The following ABHD3 variants were observed in gnomAD, a reference collection of about 807,000 sequenced individuals.
The protein encoded by ABHD3 is abhydrolase domain containing 3, phospholipase.
Under a neutral mutation model 48.8 loss-of-function variants are expected in ABHD3, and 46 were observed. That is an observed-to-expected ratio of 0.94 (90% confidence interval 0.74 to 1.20). The LOEUF is 1.20. ABHD3 is among the 50% of genes most tolerant of loss of function. The probability of loss-of-function intolerance (pLI) is 0.00; values close to 1 mark genes in which losing one functional copy is unlikely to be tolerated. For synonymous variants in ABHD3, 192 were observed against 183.7 expected, an observed-to-expected ratio of 1.04 and a Z score of -0.36; for missense variants, 490 against 497.8, an observed-to-expected ratio of 0.98 and a Z score of 0.15.
Position 21,656,929 on chromosome 18 carries a change from C to A in ABHD3, c.989G>T (p.Arg330Ile). 6.2e-7 allele frequency: 1 copy of A among 1,613,970 alleles called. No individual in the cohort carries two copies. Among genetic ancestry groups the A allele is most frequent in the South Asian group, 1.1e-5 (1 of 91,056 alleles). Residue 330 changes from arginine (R) to isoleucine (I), a missense_variant, in exon 8 of 9, where the codon AGA (arginine) becomes ATA (isoleucine). Coordinates refer to ENST00000289119, the MANE Select transcript of ABHD3 (RefSeq NM_138340.5). The stretch of plus-strand genomic sequence containing the variant: ...TACTGGAATTCCTACTGACTTCAGT[C>A]TAGGACTCGGACTGGCATCAGTATA... ...DYYTDASPSPRLKSVGIPVLC... is the reference protein window; with the variant it reads ...DYYTDASPSPILKSVGIPVLC...
chr18:21,704,437 TCGCGCCGCGCCTGCTACCC>T, intron 1 of ABHD3, 48 bp downstream of exon 1: 1 of 1,258,716 alleles, frequency 7.9e-7, no homozygotes, highest in Non-Finnish European at 1.0e-6. Context: ...CCGCGCAGCC[TCGCGCCGCGCCTGCTACCC>T]TAGCTCCTGG....
At chr18:21,694,936 G>T (rs1203045153) in intron 3 of ABHD3, among the ~76,000 whole-genome samples, 1 of 152,148 alleles carries the variant, frequency 6.6e-6, no homozygotes, top group Admixed American at 6.6e-5. Context: ...TCAGCGGCAC[G>T]AGCTGCTAGT....
At chr18:21,653,780 T>G (rs2146275742) in intron 8 of ABHD3, among the ~76,000 whole-genome samples, 1 of 148,788 alleles carries the variant, frequency 6.7e-6, no homozygotes, top group African/African-American at 2.5e-5. Context: ...CATGCACTTG[T>G]AGTCCTAGCT....
intron 6 of ABHD3, 35 bp from the exon 7 acceptor site, chr18:21,657,187 A>G (rs1027751570): frequency 5.7e-6 from 9 of 1,573,852 alleles, no homozygotes; most frequent in Non-Finnish European, 7.8e-6. Context: ...AAAAATCAAG[A>G]TCATTCCTAC....
intron 3 of ABHD3, among the ~76,000 whole-genome samples, chr18:21,684,184 A>T (rs564294943): frequency 6.6e-6 from 1 of 152,300 alleles, no homozygotes; most frequent in South Asian, 2.1e-4. Flanking sequence ...AAAACTGTAT[A>T]CTGAAGTGAT....
In ABHD3 at chr18:21,651,508, T is replaced by C. The variant is rs1197063208; in HGVS notation, c.*83A>G. The C allele has an allele frequency of 2.6e-6, 4 of 1,541,478 alleles. No individual in the cohort carries two copies. The highest frequency in any genetic ancestry group is 1.7e-4 in the Middle Eastern group (1 of 5,888). The stretch of plus-strand genomic sequence containing the variant: ...CCCATCTGCTGGCTTATTTGCTTTA[T>C]ATACAACAGTTAAAATTTGTGCACT... On this transcript the variant is annotated 3_prime_UTR_variant, in exon 9 of 9. Transcript: ENST00000289119.
intron 5 of ABHD3, 101 bp from the exon 6 acceptor site, chr18:21,659,444 A>G (rs769128650): frequency 1.2e-4 from 141 of 1,176,830 alleles, no homozygotes; most frequent in Non-Finnish European, 1.6e-4. Context: ...GAGAAGAAAA[A>G]TATAAACTAG....
rs2040532292 is a variant in ABHD3 at position 21,702,389 on chromosome 18, G to C, written c.436C>G (p.Pro146Ala). The change falls in exon 3 of 9, where the codon CCT becomes GCT. Residue 146 changes from proline (P) to alanine (A), a missense_variant. Pro to Ala is a conservative substitution (Grantham distance 27). Coordinates refer to ENST00000289119, the MANE Select transcript of ABHD3 (RefSeq NM_138340.5). ...TCCTTGCTTGTTCCCGTGAGGCCAG[G>C]CAACAATAAGATAGTAGGTCTGGTG... ...ASTRPTILLLPGLTGTSKESY... is the reference protein window; with the variant it reads ...ASTRPTILLLAGLTGTSKESY... 6.2e-7 allele frequency: 1 copy of C among 1,613,828 alleles called. No homozygotes were observed. The highest frequency in any genetic ancestry group is 1.3e-5 in the African/African-American group (1 of 74,924).
chr18:21,664,307 G>T, intron 4 of ABHD3, 77 bp from the exon 5 acceptor site: 1 of 1,351,772 alleles, frequency 7.4e-7, no homozygotes. Context: ...ATGTAAACAG[G>T]AGCAAGGAGT....
At chr18:21,657,759 TA>T (rs1316968178) in intron 6 of ABHD3, among the ~76,000 whole-genome samples, 1 of 152,072 alleles carries the variant, frequency 6.6e-6, no homozygotes, top group African/African-American at 2.4e-5. Flanking sequence ...TCAATTCACT[TA>T]AAAGTACGTA....
intron 8 of ABHD3, among the ~76,000 whole-genome samples, chr18:21,656,182 T>G (rs916328421): frequency 6.6e-6 from 1 of 151,270 alleles, no homozygotes; most frequent in South Asian, 2.1e-4. Flanking sequence ...AATAATTTTC[T>G]TTTTTTTTAA....
chr18:21,704,668 C>A lies in ABHD3; in HGVS notation c.-3G>T. 1 of 1,479,788 alleles carries A rather than the reference C, an allele frequency of 6.8e-7. No homozygotes were observed. 91.7% of individuals were successfully genotyped at this position (1,479,788 alleles called of 1,614,324 possible). On this transcript the variant is annotated 5_prime_UTR_variant, in exon 1 of 9. Transcript: ENST00000289119. ...AGGTCCATGGCCAGGCGCTGCATGG[C>A]CCCCGAGCGCGGCGCGCGGGTCCTG... is the stretch of plus-strand genomic sequence containing the variant.
chr18:21,658,392 T>A (rs1323702104), intron 6 of ABHD3, among the ~76,000 whole-genome samples: 1 of 152,122 alleles, frequency 6.6e-6, no homozygotes, highest in Non-Finnish European at 1.5e-5. Flanking sequence ...TATTCAGCAA[T>A]GAAAGTACTT....
chr18:21,682,802 GGGCCAGGGCCAC>G (rs1240081779), intron 4 of ABHD3: 1 of 152,148 alleles, frequency 6.6e-6, no homozygotes, highest in Non-Finnish European at 1.5e-5. Flanking sequence ...TGATTTGCCT[GGGCCAGGGCCAC>G]AGTGACACAT....
At chr18:21,699,641 C>A (rs975667182) in intron 3 of ABHD3, among the ~76,000 whole-genome samples, 1 of 152,174 alleles carries the variant, frequency 6.6e-6, no homozygotes, top group African/African-American at 2.4e-5. Flanking sequence ...GAGTTCTCAG[C>A]CTGGGCCTCA....
chr18:21,667,666 T>C (rs539287388), intron 4 of ABHD3, among the ~76,000 whole-genome samples: 1 of 152,246 alleles, frequency 6.6e-6, no homozygotes, highest in South Asian at 2.1e-4. Flanking sequence ...CCTGACAATA[T>C]TTCCGATGGC....
intron 4 of ABHD3, among the ~76,000 whole-genome samples, chr18:21,667,730 A>G (rs1656073143): frequency 1.3e-5 from 2 of 152,158 alleles, no homozygotes; most frequent in South Asian, 4.1e-4. Context: ...GGAAGATCCC[A>G]GTGTATCTAT....
At chr18:21,653,120 T>C (rs530401255) in intron 8 of ABHD3, among the ~76,000 whole-genome samples, 1 of 141,398 alleles carries the variant, frequency 7.1e-6, no homozygotes, top group African/African-American at 2.7e-5. Flanking sequence ...TCCCAGTGCT[T>C]TGGGAGGCAG....
At chr18:21,671,224 T>A (rs1267574881) in intron 4 of ABHD3, among the ~76,000 whole-genome samples, 1 of 152,120 alleles carries the variant, frequency 6.6e-6, no homozygotes, top group Non-Finnish European at 1.5e-5. Flanking sequence ...GAGACCTGAT[T>A]AACTAATAAG....
Sources: allele counts gnomAD v4.1 joint callset (sites outside exome capture counted in the v4.1 genomes callset), GRCh38; gene constraint gnomAD v4.1.1; transcripts MANE v1.5; gene names NCBI Gene and HGNC (gene_info 2026-07-23, HGNC 2026-07-21).